PCDH15: variants seen among roughly 807,000 people sequenced by gnomAD.
PCDH15 encodes the protein protocadherin related 15.
In PCDH15, 129 loss-of-function variants were observed where a neutral mutation model predicts 178.5. The observed-to-expected ratio is 0.72, with a 90% confidence interval of 0.63 to 0.84. The LOEUF is 0.84. Among genes scored for constraint, PCDH15 ranks in the 40% least tolerant of loss-of-function variants. PCDH15 has a pLI of 0.00. For synonymous variants in PCDH15, 800 were observed against 732.0 expected (o/e 1.09, Z -1.50); for missense variants, 2,230 against 2,099.9 (o/e 1.06, Z -1.21).
chr10:54,761,315 A>C (rs1947846610), intron 1 of PCDH15, among the ~76,000 whole-genome samples: 1 of 152,136 alleles, frequency 6.6e-6, no homozygotes, highest in Non-Finnish European at 1.5e-5. Flanking sequence ...CACAGTTGCC[A>C]AGAAACCGAA....
intron 8 of PCDH15, among the ~76,000 whole-genome samples, chr10:54,261,524 T>C (rs1299832385): frequency 3.3e-5 from 5 of 152,170 alleles, no homozygotes; most frequent in Admixed American, 3.3e-4. Context: ...TTCATTAGAA[T>C]TTTTGGGTGT....
At chr10:55,455,304 C>A (rs1161493567) in intron 2 of PCDH15, among the ~76,000 whole-genome samples, 1 of 152,044 alleles carries the variant, frequency 6.6e-6, no homozygotes, top group South Asian at 2.1e-4. Context: ...ATTTATAGTT[C>A]ACTAACTACA....
At chr10:54,257,854 T>C (rs1181549135) in intron 8 of PCDH15, among the ~76,000 whole-genome samples, 3 of 152,174 alleles carry the variant, frequency 2.0e-5, no homozygotes, top group Non-Finnish European at 4.4e-5. Context: ...TACATTGGAA[T>C]AAGCCAATAT....
intron 1 of PCDH15, among the ~76,000 whole-genome samples, chr10:54,726,441 T>C (rs1171721186): frequency 9.5e-6 from 1 of 105,264 alleles, no homozygotes; most frequent in African/African-American, 4.2e-5. Flanking sequence ...TGTGTGTGTG[T>C]GTGTGTGTGT....
chr10:54,265,323 A>C (rs2132374075), intron 8 of PCDH15, among the ~76,000 whole-genome samples: 1 of 152,206 alleles, frequency 6.6e-6, no homozygotes, highest in Middle Eastern at 3.4e-3. Context: ...CATAGTCCAC[A>C]GACTCTATAC....
intron 2 of PCDH15, among the ~76,000 whole-genome samples, chr10:55,419,968 G>A (rs1009595578): frequency 5.3e-5 from 8 of 151,748 alleles, no homozygotes; most frequent in South Asian, 4.1e-4. Flanking sequence ...GCTCATTAGC[G>A]AAAATTAATT....
chr10:54,181,982 G>T (rs183264260), intron 13 of PCDH15, among the ~76,000 whole-genome samples: 1 of 151,786 alleles, frequency 6.6e-6, no homozygotes. Flanking sequence ...TTTTTAAGAC[G>T]GAGTCTCTCT....
At chr10:54,397,588 T>G (rs1056408591) in intron 3 of PCDH15, among the ~76,000 whole-genome samples, 1 of 152,082 alleles carries the variant, frequency 6.6e-6, no homozygotes, top group Non-Finnish European at 1.5e-5. Flanking sequence ...TATTGGAACT[T>G]AATTTTATAT....
At chr10:55,573,152 G>A (rs1842438281) in intron 2 of PCDH15, among the ~76,000 whole-genome samples, 1 of 152,090 alleles carries the variant, frequency 6.6e-6, no homozygotes, top group South Asian at 2.1e-4. Flanking sequence ...GATGTAATGA[G>A]TTTCTCTAAT....
intron 2 of PCDH15, among the ~76,000 whole-genome samples, chr10:55,558,153 A>G (rs937224665): frequency 6.6e-6 from 1 of 152,056 alleles, no homozygotes; most frequent in Admixed American, 6.6e-5. Context: ...TCCAGACTCC[A>G]CAGCATGGGC....
intron 13 of PCDH15, among the ~76,000 whole-genome samples, chr10:54,178,628 A>T (rs1047699361): frequency 6.6e-6 from 1 of 152,086 alleles, no homozygotes; most frequent in African/African-American, 2.4e-5. Flanking sequence ...AATGAAAAGA[A>T]GTGGGGTGAG....
intron 2 of PCDH15, among the ~76,000 whole-genome samples, chr10:55,473,983 C>T (rs1373653112): frequency 6.6e-6 from 1 of 152,056 alleles, no homozygotes; most frequent in Non-Finnish European, 1.5e-5. Flanking sequence ...TAAACTAAAT[C>T]ACTCTAATGG....
chr10:55,091,625 A>G (rs1400790623), intron 2 of PCDH15, among the ~76,000 whole-genome samples: 1 of 151,964 alleles, frequency 6.6e-6, no homozygotes, highest in Non-Finnish European at 1.5e-5. Flanking sequence ...ACTTCTGTGA[A>G]AGGTAACTAT....
chr10:54,298,439 C>A (rs1260669041), intron 8 of PCDH15, among the ~76,000 whole-genome samples: 8 of 152,182 alleles, frequency 5.3e-5, no homozygotes, highest in Admixed American at 5.2e-4. Flanking sequence ...GACAAACCTA[C>A]CTTGCTGGTT....
chr10:54,738,642 T>C (rs903729993), intron 1 of PCDH15, among the ~76,000 whole-genome samples: 2 of 151,982 alleles, frequency 1.3e-5, no homozygotes, highest in African/African-American at 4.8e-5. Context: ...TAAACACAGA[T>C]GCAAAAATCC....
intron 3 of PCDH15, among the ~76,000 whole-genome samples, chr10:54,834,116 T>C (rs948048933): frequency 7.2e-5 from 11 of 152,126 alleles, no homozygotes; most frequent in Non-Finnish European, 1.3e-4. Flanking sequence ...TGCTAAATAC[T>C]GGAATGGACA....
At position 54,655,296 on chromosome 10, in the gene PCDH15, GAGAGAGAC is replaced by G. The variant is rs1354349028; in HGVS notation, c.91+8868_91+8875del. Among the ~76,000 whole-genome samples, 526 of 119,508 alleles carry G rather than the reference GAGAGAGAC, an allele frequency of 4.4e-3. 1 individual carries two copies. The highest frequency in any genetic ancestry group is 6.0e-3 in the Non-Finnish European group (315 of 52,838). The allele number at this position is 119,508 out of a possible 152,430, so 78.4% of individuals were successfully genotyped here. A position where few individuals can be genotyped will look rare whatever the true frequency, so the allele number is the denominator to read the frequency against. On this transcript the variant is annotated intron_variant, in intron 2 of 37. Transcript: ENST00000644397. The stretch of plus-strand genomic sequence containing the variant: ...AGAGAGAGAGAGAGAGAGAGAGAGA[GAGAGAGAC>G]AGAGAGAGAGACAGAGAAAGAGAGA...
chr10:55,296,185 C>T (rs750698988), intron 1 of PCDH15, among the ~76,000 whole-genome samples: 40 of 152,266 alleles, frequency 2.6e-4, no homozygotes, highest in Non-Finnish European at 4.7e-4. Flanking sequence ...CCAACACCTC[C>T]ATTGTTCACC....
At chr10:53,867,486 A>T (rs1388180912) in intron 26 of PCDH15, among the ~76,000 whole-genome samples, 1 of 152,152 alleles carries the variant, frequency 6.6e-6, no homozygotes, top group African/African-American at 2.4e-5. Flanking sequence ...ACATCTATGT[A>T]CCCAATAAGT....
Sources: allele counts gnomAD v4.1 joint callset (sites outside exome capture counted in the v4.1 genomes callset), GRCh38; gene constraint gnomAD v4.1.1; transcripts MANE v1.5; gene names NCBI Gene and HGNC (gene_info 2026-07-23, HGNC 2026-07-21).